ZNF474: variants seen among roughly 807,000 people sequenced by gnomAD.
The protein encoded by ZNF474 is 4933409D10Rik.
For missense variants in ZNF474, 511 were observed against 433.8 expected (o/e 1.18, Z -1.58); for synonymous variants, 192 against 162.2 (o/e 1.18, Z -1.39).
chr5:122,146,280 G>C (rs1755986898), intron 1 of ZNF474, among the ~76,000 whole-genome samples: 1 of 152,094 alleles, frequency 6.6e-6, no homozygotes, highest in African/African-American at 2.4e-5. Flanking sequence ...CAGACAATAA[G>C]TTAATAACTG....
chr5:122,141,951 G>C (rs578192047), intron 1 of ZNF474, among the ~76,000 whole-genome samples: 1 of 152,316 alleles, frequency 6.6e-6, no homozygotes, highest in East Asian at 1.9e-4. Flanking sequence ...CATGTGATTA[G>C]ACTGGGCCCC....
rs770082166 is a variant in ZNF474, at chr5:122,152,477, G to A, written c.487G>A (p.Ala163Thr). The A allele has an allele frequency of 5.6e-6, 9 of 1,614,154 alleles. No homozygotes were observed. The highest frequency in any genetic ancestry group is 7.6e-6 in the Non-Finnish European group (9 of 1,180,028). The stretch of plus-strand genomic sequence containing the variant: ...CGAGGCTGCATTTCAGAGTGCCCAG[G>A]CTCAGCTGCTGCCCTGTGAATCCTG... ...TNEAAFQSAQ[A>T]QLLPCESCGR... Residue 163 changes from alanine (A) to threonine (T), a missense_variant, in exon 2 of 2, where the codon GCT becomes ACT. Physicochemically the swap from Ala to Thr is moderately conservative, Grantham distance 58 (BLOSUM62 0). Transcript: ENST00000296600.
At chr5:122,142,153 A>G (rs1426785756) in intron 1 of ZNF474, among the ~76,000 whole-genome samples, 4 of 152,166 alleles carry the variant, frequency 2.6e-5, no homozygotes, top group African/African-American at 7.2e-5. Context: ...TCTTATCCTT[A>G]TTGGGTATTC....
chr5:122,136,325 G>T (rs1755699287), intron 1 of ZNF474, among the ~76,000 whole-genome samples: 1 of 151,668 alleles, frequency 6.6e-6, no homozygotes, highest in Non-Finnish European at 1.5e-5. Flanking sequence ...TGATTTCCAA[G>T]GGAAATTAAA....
rs1281386020 is a variant in ZNF474, at chr5:122,153,338, T to C, written c.*253T>C. ...CCTGATCCCTGATACAAATAATCCC[T>C]GGGAGAGACAGTAATTTGAAAATGA... On this transcript the variant is annotated 3_prime_UTR_variant, in exon 2 of 2. Coordinates refer to ENST00000296600, the MANE Select transcript of ZNF474 (RefSeq NM_207317.3). 4 of 447,544 alleles carry C rather than the reference T, an allele frequency of 8.9e-6. No individual in the cohort carries two copies. The highest frequency in any genetic ancestry group is 2.0e-5 in the African/African-American group (1 of 50,332). The allele number at this position is 447,544 out of a possible 1,614,324, so 27.7% of individuals were successfully genotyped here. A position where few individuals can be genotyped will look rare whatever the true frequency, so the allele number is the denominator to read the frequency against.
chr5:122,144,082 A>T (rs914470433), intron 1 of ZNF474, among the ~76,000 whole-genome samples: 7 of 152,136 alleles, frequency 4.6e-5, no homozygotes, highest in Admixed American at 1.3e-4. Context: ...TTAATAACTT[A>T]TGAAAATTCC....
intron 1 of ZNF474, among the ~76,000 whole-genome samples, chr5:122,130,978 C>A (rs567409015): frequency 5.3e-5 from 8 of 152,168 alleles, no homozygotes; most frequent in African/African-American, 1.4e-4. Context: ...AAGGTTTGTA[C>A]CCTTTGCCTA....
intron 1 of ZNF474, among the ~76,000 whole-genome samples, chr5:122,134,448 G>T (rs902618858): frequency 6.6e-6 from 1 of 152,146 alleles, no homozygotes; most frequent in South Asian, 2.1e-4. Context: ...TAATTTAAAT[G>T]GTCTAACAGA....
chr5:122,153,162 C>A lies in ZNF474; in HGVS notation c.*77C>A. 6.6e-7 allele frequency: 1 copy of A among 1,522,872 alleles called. No individual in the cohort carries two copies. The allele number at this position is 1,522,872 out of a possible 1,614,324, so 94.3% of individuals were successfully genotyped here. On this transcript the variant is annotated 3_prime_UTR_variant, in exon 2 of 2. Coordinates refer to ENST00000296600, the MANE Select transcript of ZNF474 (RefSeq NM_207317.3). ...TTTTCTATCAATGCCTTGTATCAGC[C>A]TCAAAGCAGCCTGTTCAAGTTAACT...
intron 1 of ZNF474, among the ~76,000 whole-genome samples, chr5:122,141,093 A>ATTTTT (rs1561439451): frequency 3.4e-5 from 5 of 144,976 alleles, no homozygotes; most frequent in South Asian, 2.2e-4. Flanking sequence ...TTATTTTTTT[A>ATTTTT]TTTTTTATTT....
chr5:122,151,752 T>A (rs912408343), intron 1 of ZNF474, 27 bp from the exon 2 acceptor site: 2 of 435,162 alleles, frequency 4.6e-6, no homozygotes, highest in Admixed American at 3.9e-5. Context: ...CATAATAACT[T>A]CTTATGTCTC....
At chr5:122,148,878 A>G (rs1306901037) in intron 1 of ZNF474, among the ~76,000 whole-genome samples, 1 of 151,932 alleles carries the variant, frequency 6.6e-6, no homozygotes, top group Non-Finnish European at 1.5e-5. Context: ...CTGGGATTAC[A>G]GCCACCATAC....
chr5:122,136,034 TA>T (rs1755692084), intron 1 of ZNF474, among the ~76,000 whole-genome samples: 1 of 152,042 alleles, frequency 6.6e-6, no homozygotes, highest in Non-Finnish European at 1.5e-5. Flanking sequence ...TTAATGAGCC[TA>T]AAAATACAGT....
rs530431380 is a variant in ZNF474, at chr5:122,133,897, C to G, written c.-213+4214C>G. ...AGAATTCAAATCTTATCTATTATTTCTAAGAGAATTTTTAGTTTTACCAAC... is the reference window on the plus strand; with the variant it reads ...AGAATTCAAATCTTATCTATTATTTGTAAGAGAATTTTTAGTTTTACCAAC... On this transcript the variant is annotated intron_variant, in intron 1 of 1. Coordinates refer to ENST00000296600, the MANE Select transcript of ZNF474 (RefSeq NM_207317.3). Among the ~76,000 whole-genome samples the G allele has an allele frequency of 1.4e-4, 21 of 152,300 alleles. No homozygotes were observed. In the South Asian group the frequency reaches 3.3e-3, roughly 24 times the overall value.
rs753531593 is a variant in ZNF474 at position 122,152,040 on chromosome 5, T to C, written c.50T>C (p.Phe17Ser). The C allele has an allele frequency of 6.8e-6, 11 of 1,613,110 alleles. No homozygotes were observed. Among genetic ancestry groups the C allele is most frequent in the Non-Finnish European group, 9.3e-6 (11 of 1,179,836 alleles). ...KRISNKLQQT[F>S]HHSKEPTFLI... ...ATTTCCAATAAGTTACAACAAACTT[T>C]TCACCATTCTAAAGAACCCACTTTC... Residue 17 changes from phenylalanine to serine, a missense_variant, in exon 2 of 2, where the codon TTT (phenylalanine) becomes TCT (serine). Physicochemically the swap from Phe to Ser is radical, Grantham distance 155. Coordinates refer to ENST00000296600, the MANE Select transcript of ZNF474 (RefSeq NM_207317.3).
intron 1 of ZNF474, 92 bp from the exon 2 acceptor site, chr5:122,151,687 A>T (rs550385350): frequency 1.4e-5 from 3 of 210,286 alleles, no homozygotes; most frequent in Non-Finnish European, 1.8e-5. Flanking sequence ...GCACACACAC[A>T]CACACAAAAC....
chr5:122,148,618 G>A (rs1475378611), intron 1 of ZNF474, among the ~76,000 whole-genome samples: 2 of 152,026 alleles, frequency 1.3e-5, no homozygotes. Flanking sequence ...TACCTCTGCT[G>A]GTTATGTAGA....
In ZNF474 at chr5:122,140,074, C is replaced by G. The variant is rs116535382; in HGVS notation, c.-213+10391C>G. Among the ~76,000 whole-genome samples, 1,166 of 152,280 alleles carry G rather than the reference C, an allele frequency of 7.7e-3. 10 individuals are homozygous for G. The highest frequency in any genetic ancestry group is 0.023 in the South Asian group (109 of 4,826). ...ACCACAGACCATCACGGAAAACTCT[C>G]ACAGGTGAAGAGCTCTTCTAGACCC... is the stretch of plus-strand genomic sequence containing the variant. On this transcript the variant is annotated intron_variant, in intron 1 of 1. Transcript: ENST00000296600.
chr5:122,144,313 T>C (rs1755929014), intron 1 of ZNF474, among the ~76,000 whole-genome samples: 1 of 152,172 alleles, frequency 6.6e-6, no homozygotes, highest in African/African-American at 2.4e-5. Flanking sequence ...AGAAGAAAAA[T>C]GTCCCCACAG....
Sources: gnomAD v4.1 joint callset for allele counts (sites outside exome capture counted in the v4.1 genomes callset) on GRCh38, gnomAD v4.1.1 for gene constraint, MANE v1.5 for transcripts, NCBI Gene and HGNC (gene_info 2026-07-23, HGNC 2026-07-21) for gene names.